Variants in TTC39B observed in about 807,000 individuals in gnomAD.
TTC39B encodes the protein tetratricopeptide repeat domain 39B.
Under a neutral mutation model 96.6 loss-of-function variants are expected in TTC39B, and 92 were observed. The observed-to-expected ratio is 0.95, with a 90% CI of 0.80 to 1.13. The LOEUF (loss-of-function observed/expected upper bound fraction) is 1.13, where lower values mean the gene tolerates loss of function less well. Among genes scored for constraint, TTC39B ranks in the 50% most tolerant of loss-of-function variants. TTC39B has a pLI of 0.00. For missense variants in TTC39B, 955 were observed against 809.3 expected (o/e 1.18, Z -2.18); for synonymous variants, 367 against 299.4 (o/e 1.23, Z -2.33).
intron 1 of TTC39B, among the ~76,000 whole-genome samples, chr9:15,302,393 G>C (rs1013910290): frequency 6.7e-6 from 1 of 149,646 alleles, no homozygotes; most frequent in Admixed American, 6.7e-5. Flanking sequence ...GAGGTGGGTG[G>C]ATCACAAGGT....
At chr9:15,285,620 C>T (rs748989619) in intron 1 of TTC39B, among the ~76,000 whole-genome samples, 4 of 152,112 alleles carry the variant, frequency 2.6e-5, no homozygotes, top group Non-Finnish European at 5.9e-5. Context: ...TTCGGGAGGC[C>T]GAGGCGGGCG....
chr9:15,212,097 A>C (rs1483192874), intron 4 of TTC39B, among the ~76,000 whole-genome samples: 2 of 152,222 alleles, frequency 1.3e-5, no homozygotes, highest in African/African-American at 2.4e-5. Flanking sequence ...AAACTTCTTA[A>C]GCTGTATTAA....
intron 17 of TTC39B, among the ~76,000 whole-genome samples, chr9:15,179,982 G>A (rs1818160734): frequency 6.6e-6 from 1 of 152,130 alleles, no homozygotes; most frequent in African/African-American, 2.4e-5. Context: ...AAGTATAAAT[G>A]CTTTGTCATG....
At chr9:15,257,169 C>T (rs117149486) in intron 2 of TTC39B, among the ~76,000 whole-genome samples, 59 of 152,298 alleles carry the variant, frequency 3.9e-4, no homozygotes, top group African/African-American at 1.4e-3. Flanking sequence ...ATAAAGCATA[C>T]AGATTAAACT....
At chr9:15,267,813 T>C in intron 2 of TTC39B, 101 bp downstream of exon 2, 1 of 1,043,390 alleles carries the variant, frequency 9.6e-7, no homozygotes. Flanking sequence ...AAAATAGCCA[T>C]TGCCGTACTC....
chr9:15,285,394 G>A lies in TTC39B; in HGVS notation c.241-17446C>T, dbSNP rs926384003. Among the ~76,000 whole-genome samples, 5 of 152,170 alleles carry A rather than the reference G, an allele frequency of 3.3e-5. No individual in the cohort carries two copies. In the East Asian group the frequency reaches 9.7e-4, roughly 29 times the overall value. On this transcript the variant is annotated intron_variant, in intron 1 of 19. Coordinates refer to ENST00000512701, the Ensembl canonical transcript of TTC39B. ...GTTCAAACTTACCAAAAAGTTGCCA[G>A]AATAAGAATATACACACAACGAAAT...
chr9:15,251,522 T>C (rs1006937401), intron 2 of TTC39B, among the ~76,000 whole-genome samples: 30 of 151,556 alleles, frequency 2.0e-4, no homozygotes, highest in African/African-American at 6.5e-4. Flanking sequence ...AGTAGCGCCA[T>C]TGCACTCCAG....
exon 20 of TTC39B, chr9:15,172,063 T>C (rs1314415732): frequency 1.9e-6 from 3 of 1,612,844 alleles, no homozygotes; most frequent in East Asian, 2.2e-5. Flanking sequence ...GCTGCCTGAA[T>C]TCTGAAGTGT....
At chr9:15,183,516 C>CA in intron 16 of TTC39B, 1 of 333,208 alleles carries the variant, frequency 3.0e-6, no homozygotes. Flanking sequence ...ATTTCCTGTA[C>CA]ATTCTACTTC....
intron 2 of TTC39B, among the ~76,000 whole-genome samples, chr9:15,260,285 T>G (rs879265994): frequency 6.6e-6 from 1 of 151,822 alleles, no homozygotes; most frequent in Non-Finnish European, 1.5e-5. Flanking sequence ...GTGTTTTTTT[T>G]TTTTTCCTTC....
chr9:15,164,163 T>C (rs181172278), exon 20 of TTC39B: 244 of 152,326 alleles, frequency 1.6e-3, no homozygotes, highest in African/African-American at 5.7e-3. Flanking sequence ...CTCACACATA[T>C]TCAGTTTCTA....
chr9:15,178,034 T>C (rs995081409), intron 17 of TTC39B, among the ~76,000 whole-genome samples: 7 of 151,858 alleles, frequency 4.6e-5, no homozygotes, highest in African/African-American at 1.7e-4. Flanking sequence ...CACGCCCGGC[T>C]AATTTTTTGT....
intron 6 of TTC39B, among the ~76,000 whole-genome samples, chr9:15,207,283 A>T (rs937513900): frequency 2.6e-4 from 40 of 152,320 alleles, no homozygotes; most frequent in African/African-American, 9.4e-4. Context: ...TACAGGCACA[A>T]GCCACCAGGC....
At chr9:15,182,120 T>C (rs1300752445) in intron 17 of TTC39B, among the ~76,000 whole-genome samples, 187 bp downstream of exon 17, 1 of 152,154 alleles carries the variant, frequency 6.6e-6, no homozygotes, top group Non-Finnish European at 1.5e-5. Flanking sequence ...GTTTCCAAGG[T>C]TCATGCAGTT....
chr9:15,192,538 A>C, intron 9 of TTC39B, 52 bp downstream of exon 9: 1 of 1,429,252 alleles, frequency 7.0e-7, no homozygotes, highest in East Asian at 2.3e-5. Flanking sequence ...AGGCACAGAA[A>C]ACCTTAGGTT....
intron 6 of TTC39B, among the ~76,000 whole-genome samples, chr9:15,205,263 G>A (rs1564344114): frequency 6.6e-6 from 1 of 152,140 alleles, no homozygotes; most frequent in Non-Finnish European, 1.5e-5. Context: ...TTTGGTAAAA[G>A]CTCAGAAAGA....
chr9:15,167,005 TATATATATA>T (rs1817535449), exon 20 of TTC39B: 5 of 7,682 alleles, frequency 6.5e-4, no homozygotes, highest in African/African-American at 1.3e-3. Context: ...TATATATATA[TATATATATA>T]TATATATATA....
At chr9:15,202,025 ACTT>A (rs762285589) in intron 7 of TTC39B, among the ~76,000 whole-genome samples, 5 of 152,210 alleles carry the variant, frequency 3.3e-5, no homozygotes, top group Non-Finnish European at 7.3e-5. Context: ...GTAGATAAGC[ACTT>A]CTTCTAGAAC....
intron 16 of TTC39B, among the ~76,000 whole-genome samples, chr9:15,185,000 A>C (rs570921228): frequency 2.6e-5 from 4 of 152,340 alleles, no homozygotes; most frequent in Admixed American, 6.5e-5. Flanking sequence ...TTCTTCACTA[A>C]AAAATGGGGC....
Sources: allele counts gnomAD v4.1 joint callset (sites outside exome capture counted in the v4.1 genomes callset), GRCh38; gene constraint gnomAD v4.1.1; transcripts MANE v1.5; gene names NCBI Gene and HGNC (gene_info 2026-07-23, HGNC 2026-07-21).